TENT4A: variants seen among roughly 807,000 people sequenced by gnomAD.
The protein encoded by TENT4A is DNA polymerase kappa.
TENT4A carries 7 observed loss-of-function variants against 72.8 expected under a neutral mutation model. The observed-to-expected ratio is 0.10, with a 90% CI of 0.05 to 0.18. The LOEUF (loss-of-function observed/expected upper bound fraction) is 0.18, where lower values mean the gene tolerates loss of function less well. TENT4A is among the 10% of genes least tolerant of loss of function. The pLI is 1.00. For missense variants in TENT4A, 831 were observed against 1,017.7 expected (o/e 0.82, Z 2.50); for synonymous variants, 456 against 434.3 (o/e 1.05, Z -0.62).
In TENT4A at chr5:6,753,092, C is replaced by T. The variant is rs917328028; in HGVS notation, c.2184+55C>T. 93 of 1,489,106 alleles carry T rather than the reference C, an allele frequency of 6.2e-5. 1 individual carries two copies. The highest frequency in any genetic ancestry group is 3.9e-4 in the African/African-American group (28 of 72,642). The allele number at this position is 1,489,106 out of a possible 1,614,324, so 92.2% of individuals were successfully genotyped here. On this transcript the variant is annotated intron_variant, in intron 12 of 12. Transcript: ENST00000230859. The stretch of plus-strand genomic sequence containing the variant: ...CCTGTTCAAGCTGCCATGTGAGAGG[C>T]GGTGCTAAATGTTTTCTCCTCCAGA...
chr5:6,738,829 C>T (rs1561037374), intron 3 of TENT4A, 100 bp downstream of exon 3: 12 of 853,536 alleles, frequency 1.4e-5, no homozygotes, highest in Non-Finnish European at 2.0e-5. Flanking sequence ...GAGTCTAAGG[C>T]GAGAAATGCC....
At chr5:6,746,485 T>C in intron 7 of TENT4A, 58 bp downstream of exon 7, 1 of 1,528,048 alleles carries the variant, frequency 6.5e-7, no homozygotes, top group Non-Finnish European at 9.0e-7. Context: ...GACGTGCTGG[T>C]GACAGGGCCT....
At chr5:6,718,439 C>T (rs536823633) in intron 1 of TENT4A, among the ~76,000 whole-genome samples, 2 of 152,312 alleles carry the variant, frequency 1.3e-5, no homozygotes, top group Admixed American at 1.3e-4. Flanking sequence ...CTCTAGGGGC[C>T]TTTCCCTCCC....
Position 6,756,834 on chromosome 5 carries a change from C to T in TENT4A, c.*1889C>T, listed in dbSNP as rs766300327. ...CCCGTGGGGTGTGCATTTTAAAACT[C>T]GATTCATAGACACAGGTACCATGTT... On this transcript the variant is annotated 3_prime_UTR_variant, in exon 13 of 13. Transcript: ENST00000230859. The T allele has an allele frequency of 2.0e-5, 3 of 152,436 alleles. No homozygotes were observed. The highest frequency in any genetic ancestry group is 4.4e-5 in the Non-Finnish European group (3 of 67,994). The allele number at this position is 152,436 out of a possible 1,614,324, so 9.4% of individuals were successfully genotyped here.
At chr5:6,751,433 G>T (rs1742400634) in intron 11 of TENT4A, 2 of 245,918 alleles carry the variant, frequency 8.1e-6, no homozygotes, top group Non-Finnish European at 7.5e-6. Flanking sequence ...GCTTTTCACG[G>T]GGGCCAGGTT....
At chr5:6,722,831 T>C (rs568582704) in intron 1 of TENT4A, among the ~76,000 whole-genome samples, 3 of 152,216 alleles carry the variant, frequency 2.0e-5, no homozygotes, top group Admixed American at 1.3e-4. Context: ...GAACATTAAG[T>C]AGGCAACTAG....
rs28381418 is a variant in TENT4A, at chr5:6,751,114, G to A, written c.1936G>A (p.Gly646Ser). 1.6e-3 allele frequency: 2,628 copies of A among 1,614,082 alleles called. 23 individuals carry two copies. The African/African-American group carries it at 0.027, about 17-fold the overall frequency. ...GCAAGCGCCAGCTCCTCTCATGGCC[G>A]GCTTACCCACCGCCTTGCCAATGCC... ...SLQAPAPLMA[G>S]LPTALPMPSG... is the part of the protein sequence containing the mutation. Residue 646 changes from glycine to serine, a missense_variant, in exon 11 of 13, where the codon GGC becomes AGC. By Grantham distance (56) the Gly-to-Ser change is moderately conservative (BLOSUM62 0). Transcript: ENST00000230859.
At chr5:6,730,932 A>G (rs1003802274) in intron 1 of TENT4A, among the ~76,000 whole-genome samples, 4 of 152,348 alleles carry the variant, frequency 2.6e-5, no homozygotes, top group African/African-American at 9.6e-5. Context: ...AATAGAAGCA[A>G]TGCAGTCATT....
In TENT4A at chr5:6,742,579, C is replaced by A. The variant is rs762798038; in HGVS notation, c.1098C>A (p.Phe366Leu). 1.9e-6 allele frequency: 3 copies of A among 1,609,410 alleles called. No homozygotes were observed. The highest frequency in any genetic ancestry group is 2.6e-6 in the Non-Finnish European group (3 of 1,175,724). ...AGACGGGCGTCCGGGCAGCGGAGTTCATCAAGAATTACATGAAGGTACTGT... is the reference window on the plus strand; with the variant it reads ...AGACGGGCGTCCGGGCAGCGGAGTTAATCAAGAATTACATGAAGGTACTGT... ...NMETGVRAAE[F>L]IKNYMKKYSL... Residue 366 changes from phenylalanine (F) to leucine (L), a missense_variant, in exon 5 of 13, where the codon TTC becomes TTA. Phe to Leu is a conservative substitution (Grantham distance 22). This residue lies in a region of TENT4A where 197 missense variants were observed against 399.6 expected (regional missense o/e 0.49). Coordinates refer to ENST00000230859, the MANE Select transcript of TENT4A (RefSeq NM_006999.6).
intron 7 of TENT4A, among the ~76,000 whole-genome samples, chr5:6,747,417 A>G (rs1742164082): frequency 6.6e-6 from 1 of 152,012 alleles, no homozygotes; most frequent in Non-Finnish European, 1.5e-5. Context: ...TTCAGCTCCT[A>G]TACATTTAAA....
Position 6,750,441 on chromosome 5 carries a change from C to A in TENT4A, c.1798C>A (p.Pro600Thr), listed in dbSNP as rs202101080. Reference protein sequence around the residue: ...GQRLTLSLSSPQLLSSGSSAS... With the variant: ...GQRLTLSLSSTQLLSSGSSAS... ...GCGCTTGACTTTGTCGCTGTCCAGC[C>A]CCCAGCTCCTGTCTTCAGGCTCCTC... The change falls in exon 10 of 13, where the codon CCC becomes ACC. Residue 600 changes from proline to threonine, a missense_variant. By Grantham distance (38) the Pro-to-Thr change is conservative. Around this residue, in one of 3 missense-constraint regions of TENT4A, gnomAD observed 332 missense variants for 324.3 expected, o/e 1.02. Transcript: ENST00000230859. 38 of 1,612,048 alleles carry A rather than the reference C, an allele frequency of 2.4e-5. No homozygotes were observed. In the African/African-American group the frequency reaches 4.3e-4, roughly 18 times the overall value.
intron 1 of TENT4A, among the ~76,000 whole-genome samples, chr5:6,736,941 C>T (rs529429575): frequency 2.0e-5 from 3 of 152,244 alleles, no homozygotes; most frequent in Non-Finnish European, 2.9e-5. Flanking sequence ...GAGACTGTGG[C>T]GGATGAAACC....
intron 8 of TENT4A, among the ~76,000 whole-genome samples, chr5:6,749,297 TG>T (rs1163808149): frequency 6.6e-6 from 1 of 152,192 alleles, no homozygotes; most frequent in Non-Finnish European, 1.5e-5. Flanking sequence ...ATGATCATCG[TG>T]GGTGGGAAGG....
intron 1 of TENT4A, among the ~76,000 whole-genome samples, chr5:6,730,406 G>T (rs1471060242): frequency 6.6e-6 from 1 of 152,216 alleles, no homozygotes; most frequent in Non-Finnish European, 1.5e-5. Context: ...TTTTGTGAAT[G>T]TTAGTCGGTC....
chr5:6,720,624 C>T (rs1432402358), intron 1 of TENT4A, among the ~76,000 whole-genome samples: 3 of 151,442 alleles, frequency 2.0e-5, no homozygotes, highest in Non-Finnish European at 4.4e-5. Context: ...TGCAGTGAGC[C>T]GAGATCGCAC....
intron 1 of TENT4A, among the ~76,000 whole-genome samples, chr5:6,735,795 C>G (rs1313723137): frequency 6.8e-6 from 1 of 147,718 alleles, no homozygotes; most frequent in African/African-American, 2.5e-5. Context: ...GAGTCTTGCT[C>G]TGTCGCCCAG....
chr5:6,743,776 A>G lies in TENT4A; in HGVS notation c.1181A>G (p.Asn394Ser). 2 of 1,613,384 alleles carry G rather than the reference A, an allele frequency of 1.2e-6. No individual in the cohort carries two copies. The highest frequency in any genetic ancestry group is 1.7e-6 in the Non-Finnish European group (2 of 1,179,292). Reference protein sequence around the residue: ...LKQFLLQRDLNEVFTGGISSY... With the variant: ...LKQFLLQRDLSEVFTGGISSY... ...CAGTTCCTTCTGCAGAGGGACCTGA[A>G]TGAAGTTTTTACAGGTGGAATTAGC... Residue 394 changes from asparagine (N) to serine (S), a missense_variant, in exon 6 of 13, where the codon AAT becomes AGT. Physicochemically the swap from Asn to Ser is conservative, Grantham distance 46 (BLOSUM62 1). Coordinates refer to ENST00000230859, the MANE Select transcript of TENT4A (RefSeq NM_006999.6).
intron 4 of TENT4A, 92 bp from the exon 5 acceptor site, chr5:6,742,398 A>T: frequency 1.3e-6 from 1 of 791,686 alleles, no homozygotes; most frequent in South Asian, 1.5e-5. Flanking sequence ...AAGAAAAAAC[A>T]CCAAACCTCT....
rs16877881 is a variant in TENT4A at position 6,750,694 on chromosome 5, G to C, written c.1860+191G>C. On this transcript the variant is annotated intron_variant, in intron 10 of 12. Transcript: ENST00000230859. ...TCCTTTCCCCTGCCGTGAACCTTCA[G>C]AACCTGTCTGTGCGACTCATGCGGC... 7.2e-3 allele frequency: 4,174 copies of C among 577,730 alleles called. 129 individuals are homozygous for C. The highest frequency in any genetic ancestry group is 0.071 in the African/African-American group (3,725 of 52,554). The allele number at this position is 577,730 out of a possible 1,614,324, so 35.8% of individuals were successfully genotyped here.
Sources: gnomAD v4.1 joint callset for allele counts (sites outside exome capture counted in the v4.1 genomes callset) on GRCh38, gnomAD v4.1.1 for gene constraint, gnomAD v4.1.1 regional missense constraint, MANE v1.5 for transcripts, NCBI Gene and HGNC (gene_info 2026-07-23, HGNC 2026-07-21) for gene names.